IL23R: variants seen among roughly 807,000 people sequenced by gnomAD.
The protein encoded by IL23R is interleukin-23 receptor.
A neutral mutation model predicts 56.9 loss-of-function variants in IL23R; 34 were observed. The ratio of observed to expected loss-of-function variants is 0.60; its 90% confidence interval spans 0.45 to 0.80. The LOEUF (loss-of-function observed/expected upper bound fraction) is 0.80. IL23R is among the 30% of genes least tolerant of loss of function. IL23R has a pLI of 0.00. For missense variants in IL23R, 635 were observed against 730.0 expected, an observed-to-expected ratio of 0.87 and a Z score of 1.50; for synonymous variants, 230 against 249.2, an observed-to-expected ratio of 0.92 and a Z score of 0.73.
chr1:67,220,284 G>C (rs1192385223), intron 7 of IL23R, among the ~76,000 whole-genome samples: 1 of 151,902 alleles, frequency 6.6e-6, no homozygotes, highest in Non-Finnish European at 1.5e-5. Flanking sequence ...CAGGAAAATT[G>C]CTTGAACCCA....
chr1:67,151,881 G>C (rs1646731510), intron 1 of IL23R, among the ~76,000 whole-genome samples: 1 of 152,188 alleles, frequency 6.6e-6, no homozygotes, highest in South Asian at 2.1e-4. Flanking sequence ...AGTGTAGTTT[G>C]AAGTCAGGTA....
intron 3 of IL23R, among the ~76,000 whole-genome samples, chr1:67,181,914 C>T (rs554235273): frequency 4.8e-4 from 73 of 152,316 alleles, no homozygotes; most frequent in African/African-American, 1.7e-3. Context: ...CCCTGTTTGC[C>T]TGGGTATCAG....
chr1:67,201,027 C>T (rs1648590151), intron 5 of IL23R, 130 bp downstream of exon 5: 3 of 908,034 alleles, frequency 3.3e-6, no homozygotes, highest in Middle Eastern at 2.9e-4. Flanking sequence ...CAGAAATTAC[C>T]CATAATTCTA....
intron 4 of IL23R, among the ~76,000 whole-genome samples, chr1:67,186,245 T>G (rs1647320457): frequency 6.6e-6 from 1 of 152,212 alleles, no homozygotes; most frequent in Non-Finnish European, 1.5e-5. Context: ...CCTAGTGTCT[T>G]GAGGATCTTC....
At chr1:67,154,388 G>A (rs1165124572) in intron 1 of IL23R, among the ~76,000 whole-genome samples, 1 of 152,120 alleles carries the variant, frequency 6.6e-6, no homozygotes. Context: ...TTGTGTGGGA[G>A]TCTAAGTCTC....
At chr1:67,169,819 C>T (rs1418096410) in intron 3 of IL23R, among the ~76,000 whole-genome samples, 181 bp downstream of exon 3, 1 of 152,160 alleles carries the variant, frequency 6.6e-6, no homozygotes, top group Non-Finnish European at 1.5e-5. Flanking sequence ...TGAACTGTAG[C>T]CACTGCCCAG....
At chr1:67,178,013 T>C (rs983919354) in intron 3 of IL23R, among the ~76,000 whole-genome samples, 14 of 151,884 alleles carry the variant, frequency 9.2e-5, no homozygotes, top group African/African-American at 3.4e-4. Flanking sequence ...CTGTTTTTGT[T>C]ACTGTAGCCT....
Position 67,155,555 on chromosome 1 carries a change from G to T in IL23R, c.-633-12537G>T, listed in dbSNP as rs1443278809. ...TTCAGCAAGGTGGTCTTCAAACTCC[G>T]ATATCCTTTCTTCCACTTGATTGAT... On this transcript the variant is annotated intron_variant, in intron 1 of 10. Coordinates refer to the IL23R transcript ENST00000637002. 7.2e-5 allele frequency among the ~76,000 whole-genome samples: 11 copies of T among 152,082 alleles called. No individual in the cohort carries two copies. The South Asian group carries it at 1.5e-3, about 20-fold the overall frequency.
At chr1:67,228,378 T>TTTTTTTTTTTTTTG (rs1491472874) in intron 7 of IL23R, among the ~76,000 whole-genome samples, 1 of 132,448 alleles carries the variant, frequency 7.6e-6, no homozygotes, top group African/African-American at 2.9e-5. Context: ...TTTTTTTTTT[T>TTTTTTTTTTTTTTG]GTAGAGACAG....
At chr1:67,163,496 A>AAAAG (rs1558221020), upstream of IL23R, among the ~76,000 whole-genome samples, 5 of 142,910 alleles carry the variant, frequency 3.5e-5, no homozygotes, top group African/African-American at 1.3e-4. Flanking sequence ...AAAAAAAAAA[A>AAAAG]AAGACAGAAA....
intron 7 of IL23R, among the ~76,000 whole-genome samples, chr1:67,225,067 G>A (rs1650526127): frequency 6.6e-6 from 1 of 152,170 alleles, no homozygotes; most frequent in South Asian, 2.1e-4. Context: ...GTTATTTATA[G>A]CTCTGCTAGT....
At chr1:67,141,852 C>A (rs1429089502) in intron 1 of IL23R, among the ~76,000 whole-genome samples, 1 of 151,958 alleles carries the variant, frequency 6.6e-6, no homozygotes, top group Non-Finnish European at 1.5e-5. Flanking sequence ...GGCTGAGACC[C>A]AAACAGAGTT....
At chr1:67,249,144 A>G (rs1452494637) in intron 9 of IL23R, among the ~76,000 whole-genome samples, 1 of 152,166 alleles carries the variant, frequency 6.6e-6, no homozygotes, top group Admixed American at 6.6e-5. Context: ...CTGATTTTTC[A>G]CGCTGATTTA....
intron 4 of IL23R, 128 bp from the exon 5 acceptor site, chr1:67,200,609 T>C (rs1648556088): frequency 1.2e-6 from 1 of 802,556 alleles, no homozygotes; most frequent in Non-Finnish European, 2.1e-6. Flanking sequence ...GGTCTCGAAC[T>C]CCTGACCTCA....
At chr1:67,263,266 G>A (rs1230097937), downstream of IL23R, among the ~76,000 whole-genome samples, 6 of 151,814 alleles carry the variant, frequency 4.0e-5, no homozygotes, top group African/African-American at 1.2e-4. Flanking sequence ...TAAATTTTTT[G>A]TAGAGACAGA....
chr1:67,211,131 C>T (rs997011118), intron 6 of IL23R, among the ~76,000 whole-genome samples: 1 of 152,166 alleles, frequency 6.6e-6, no homozygotes, highest in Non-Finnish European at 1.5e-5. Flanking sequence ...ATGGGATCCA[C>T]GTTCTGCATC....
At chr1:67,248,227 C>T (rs558493507) in intron 9 of IL23R, among the ~76,000 whole-genome samples, 1 of 152,284 alleles carries the variant, frequency 6.6e-6, no homozygotes, top group South Asian at 2.1e-4. Context: ...TGGTTCCATT[C>T]TTCTTGTCAC....
chr1:67,167,037 CG>C (rs1206552939), intron 1 of IL23R, among the ~76,000 whole-genome samples: 1 of 152,100 alleles, frequency 6.6e-6, no homozygotes, highest in Non-Finnish European at 1.5e-5. Context: ...AAACTAACAA[CG>C]GTATTATTAG....
chr1:67,229,144 C>T (rs957909294), intron 7 of IL23R, among the ~76,000 whole-genome samples: 16 of 152,210 alleles, frequency 1.1e-4, no homozygotes, highest in Non-Finnish European at 8.8e-5. Flanking sequence ...ACAACTCCCA[C>T]CTCAGATGCC....
Sources: gnomAD v4.1 joint callset for allele counts (sites outside exome capture counted in the v4.1 genomes callset) on GRCh38, gnomAD v4.1.1 for gene constraint, MANE v1.5 for transcripts, NCBI Gene and HGNC (gene_info 2026-07-23, HGNC 2026-07-21) for gene names.